Variants in SERGEF observed in about 807,000 individuals in gnomAD.
The protein encoded by SERGEF is secretion regulating guanine nucleotide exchange factor.
Under a neutral mutation model 50.0 loss-of-function variants are expected in SERGEF, and 51 were observed. The observed-to-expected ratio is 1.02, with a 90% CI of 0.81 to 1.29. SERGEF has a LOEUF of 1.29. Among genes scored for constraint, SERGEF ranks in the 50% most tolerant of loss-of-function variants. The pLI is 0.00. For synonymous variants in SERGEF, 205 were observed against 212.4 expected, an observed-to-expected ratio of 0.97 and a Z score of 0.30; for missense variants, 521 against 557.0, an observed-to-expected ratio of 0.94 and a Z score of 0.65.
At chr11:17,823,926 G>T (rs7932686) in intron 10 of SERGEF, among the ~76,000 whole-genome samples, 1 of 151,982 alleles carries the variant, frequency 6.6e-6, no homozygotes, top group African/African-American at 2.4e-5. Flanking sequence ...CAGCCCTCAT[G>T]ACAGGTTTGG....
At chr11:17,959,741 T>C (rs1272346287) in intron 8 of SERGEF, 105 bp from the exon 9 acceptor site, 2 of 964,706 alleles carry the variant, frequency 2.1e-6, no homozygotes, top group African/African-American at 1.7e-5. Flanking sequence ...TAGTACCACC[T>C]ACCAGGAGCC....
At chr11:17,802,786 C>G (rs972728993) in intron 10 of SERGEF, among the ~76,000 whole-genome samples, 6 of 152,124 alleles carry the variant, frequency 3.9e-5, no homozygotes, top group Non-Finnish European at 7.4e-5. Flanking sequence ...TCAAATGGCA[C>G]TTTCTCAGAG....
intron 9 of SERGEF, among the ~76,000 whole-genome samples, chr11:17,946,649 C>G (rs372651674): frequency 5.3e-5 from 8 of 152,170 alleles, no homozygotes; most frequent in African/African-American, 1.9e-4. Context: ...CCCCATGCAA[C>G]AGCAGAAATT....
intron 9 of SERGEF, among the ~76,000 whole-genome samples, chr11:17,901,467 C>T (rs1245619233): frequency 2.0e-5 from 3 of 152,214 alleles, no homozygotes; most frequent in Non-Finnish European, 4.4e-5. Context: ...CAGGTTACAG[C>T]TCACTTTTAC....
chr11:17,816,391 G>A (rs1349193899), intron 10 of SERGEF, among the ~76,000 whole-genome samples: 1 of 152,194 alleles, frequency 6.6e-6, no homozygotes, highest in Non-Finnish European at 1.5e-5. Context: ...AGCAAGCAGG[G>A]CTGCCAAGAT....
chr11:17,869,414 A>G (rs1229156266), intron 10 of SERGEF, among the ~76,000 whole-genome samples: 6 of 152,252 alleles, frequency 3.9e-5, no homozygotes, highest in Non-Finnish European at 8.8e-5. Context: ...AGGCTGTCTT[A>G]GTCCTTCTGG....
rs16934862 is a variant in SERGEF, at chr11:18,004,568, A to G, written c.353-33T>C. ...ATACAAATACTTAAATTGCAAATCTATGAAGTAAGATGTCTGTGACCAATG... is the reference window on the plus strand; with the variant it reads ...ATACAAATACTTAAATTGCAAATCTGTGAAGTAAGATGTCTGTGACCAATG... On this transcript the variant is annotated intron_variant, in intron 3 of 10. Coordinates refer to ENST00000265965, the MANE Select transcript of SERGEF (RefSeq NM_012139.4). The G allele has an allele frequency of 4.0e-3, 5,717 of 1,443,198 alleles. 14 individuals are homozygous for G. Among genetic ancestry groups the G allele is most frequent in the Non-Finnish European group, 4.2e-3 (4,315 of 1,037,394 alleles). 89.4% of individuals were successfully genotyped at this position (1,443,198 alleles called of 1,614,324 possible). A position where few individuals can be genotyped will look rare whatever the true frequency, so the allele number is the denominator to read the frequency against.
intron 9 of SERGEF, among the ~76,000 whole-genome samples, chr11:17,949,243 A>G (rs1265242747): frequency 6.6e-6 from 1 of 152,172 alleles, no homozygotes; most frequent in African/African-American, 2.4e-5. Context: ...AAGAGGCTGG[A>G]GCCAGACGGC....
chr11:17,837,724 T>C (rs931312134), intron 10 of SERGEF, among the ~76,000 whole-genome samples: 18 of 150,264 alleles, frequency 1.2e-4, no homozygotes, highest in Non-Finnish European at 2.7e-4. Context: ...AGTGTGGCAC[T>C]GTCTTGGCTC....
rs764565835 is a variant in SERGEF, at chr11:17,995,891, T to C, written c.527A>G (p.Gln176Arg). The change falls in exon 6 of 11, where the codon CAG becomes CGG. Residue 176 changes from glutamine to arginine, a missense_variant. Transcript: ENST00000265965. Reference protein sequence around the residue: ...VAATASGIVFQWGTGLASCGR... With the variant: ...VAATASGIVFRWGTGLASCGR... ...ACATGATGCCAAACCAGTCCCCCAC[T>C]GGAACACGATGCCACTCGCTTCCCA... 6.2e-7 allele frequency: 1 copy of C among 1,613,400 alleles called. No individual in the cohort carries two copies.
intron 10 of SERGEF, among the ~76,000 whole-genome samples, chr11:17,875,450 G>A (rs1851222287): frequency 6.6e-6 from 1 of 152,224 alleles, no homozygotes; most frequent in South Asian, 2.1e-4. Context: ...CGGGGAGATG[G>A]ATTTGAGCGT....
Position 17,981,861 on chromosome 11 carries a change from C to T in SERGEF, c.844+6736G>A, listed in dbSNP as rs373097990. ...TGTCACCCAGGCTGGACTGCAGTGGCGCAACCTTAGCTTACTGCAACCTCC... is the reference window on the plus strand; with the variant it reads ...TGTCACCCAGGCTGGACTGCAGTGGTGCAACCTTAGCTTACTGCAACCTCC... On this transcript the variant is annotated intron_variant, in intron 8 of 10. Transcript: ENST00000265965. 6.6e-5 allele frequency among the ~76,000 whole-genome samples: 10 copies of T among 152,074 alleles called. No individual in the cohort carries two copies. The East Asian group carries it at 1.7e-3, about 26-fold the overall frequency.
intron 10 of SERGEF, among the ~76,000 whole-genome samples, chr11:17,871,219 A>G (rs1205548467): frequency 6.6e-6 from 1 of 152,138 alleles, no homozygotes; most frequent in Admixed American, 6.5e-5. Flanking sequence ...GACACGATTA[A>G]GAGAGTAAAA....
rs577453419 is a variant in SERGEF at position 17,829,581 on chromosome 11, A to G, written c.1049-41168T>C. On this transcript the variant is annotated intron_variant, in intron 10 of 10. Coordinates refer to ENST00000265965, the MANE Select transcript of SERGEF (RefSeq NM_012139.4). ...AAATAGTGATTATTTATCTAGTAAA[A>G]TAACAGGAGCTGGGGTAAACCAGTT... Among the ~76,000 whole-genome samples the G allele has an allele frequency of 3.3e-5, 5 of 152,318 alleles. No homozygotes were observed. The South Asian group carries it at 1.0e-3, about 32-fold the overall frequency.
chr11:17,828,032 C>G (rs1850231412), intron 10 of SERGEF, among the ~76,000 whole-genome samples: 1 of 152,180 alleles, frequency 6.6e-6, no homozygotes, highest in Non-Finnish European at 1.5e-5. Flanking sequence ...CAACAGAACT[C>G]TATTCTGCAT....
intron 6 of SERGEF, among the ~76,000 whole-genome samples, chr11:17,993,717 T>C (rs961606132): frequency 6.6e-6 from 1 of 152,138 alleles, no homozygotes; most frequent in Non-Finnish European, 1.5e-5. Flanking sequence ...CCTTCAAGTG[T>C]CCTCTGGAAT....
At chr11:17,815,900 G>A (rs908778005) in intron 10 of SERGEF, among the ~76,000 whole-genome samples, 10 of 152,112 alleles carry the variant, frequency 6.6e-5, no homozygotes, top group East Asian at 1.9e-4. Flanking sequence ...CCAGCCTGGC[G>A]ACAGTGAGAC....
At chr11:17,995,204 T>C (rs148577900) in intron 6 of SERGEF, among the ~76,000 whole-genome samples, 13 of 152,296 alleles carry the variant, frequency 8.5e-5, no homozygotes, top group Admixed American at 6.5e-5. Context: ...ACATATTACC[T>C]ACTCCTCGTA....
At chr11:17,973,609 G>T (rs1853302988) in intron 8 of SERGEF, among the ~76,000 whole-genome samples, 1 of 152,148 alleles carries the variant, frequency 6.6e-6, no homozygotes, top group Admixed American at 6.5e-5. Context: ...GAACATCTTG[G>T]TACATGACTT....
Sources: allele counts gnomAD v4.1 joint callset (sites outside exome capture counted in the v4.1 genomes callset), GRCh38; gene constraint gnomAD v4.1.1; transcripts MANE v1.5; gene names NCBI Gene and HGNC (gene_info 2026-07-23, HGNC 2026-07-21).